The following CLDN10 variants were observed in gnomAD, a reference collection of about 807,000 sequenced individuals.
CLDN10 encodes claudin 10.
Under a neutral mutation model 22.9 loss-of-function variants are expected in CLDN10, and 15 were observed. That is an observed-to-expected ratio of 0.65 (90% confidence interval 0.44 to 1.01). CLDN10 has a LOEUF of 1.01. Among genes scored for constraint, CLDN10 ranks in the 50% least tolerant of loss-of-function variants. The pLI is 0.00. For synonymous variants in CLDN10, 114 were observed against 111.4 expected, an observed-to-expected ratio of 1.02 and a Z score of -0.15; for missense variants, 247 against 287.8, an observed-to-expected ratio of 0.86 and a Z score of 1.03.
At chr13:95,549,991 A>G (rs2043547092), upstream of CLDN10, among the ~76,000 whole-genome samples, 1 of 152,156 alleles carries the variant, frequency 6.6e-6, no homozygotes, top group Non-Finnish European at 1.5e-5. Context: ...CGTTATGCTA[A>G]ATTAACTGTT....
intron 1 of CLDN10, among the ~76,000 whole-genome samples, chr13:95,542,449 G>A (rs948358893): frequency 5.9e-5 from 9 of 152,148 alleles, no homozygotes; most frequent in Admixed American, 2.0e-4. Flanking sequence ...CCACAAGTAC[G>A]GTTCATCTTT....
At chr13:95,487,309 T>C (rs975961181) in intron 1 of CLDN10, among the ~76,000 whole-genome samples, 5 of 152,218 alleles carry the variant, frequency 3.3e-5, no homozygotes, top group Admixed American at 2.6e-4. Flanking sequence ...TTTACACTGA[T>C]ATAAAGTCAT....
intron 1 of CLDN10, among the ~76,000 whole-genome samples, chr13:95,535,738 T>G: frequency 6.6e-6 from 1 of 151,782 alleles, no homozygotes; most frequent in East Asian, 1.9e-4. Context: ...AGGGAAAGAC[T>G]GTGATGTGAA....
At chr13:95,525,741 C>T (rs1037600298) in intron 1 of CLDN10, among the ~76,000 whole-genome samples, 2 of 152,170 alleles carry the variant, frequency 1.3e-5, no homozygotes, top group African/African-American at 4.8e-5. Context: ...ATCCACCCAC[C>T]TCAGCCTCCC....
chr13:95,467,313 G>T (rs973626547), intron 1 of CLDN10, among the ~76,000 whole-genome samples: 10 of 152,010 alleles, frequency 6.6e-5, no homozygotes, highest in Admixed American at 5.9e-4. Flanking sequence ...GCATAGCCCT[G>T]TAAATGTCAT....
chr13:95,555,076 GT>G (rs2043618371), intron 1 of CLDN10, among the ~76,000 whole-genome samples: 2 of 121,532 alleles, frequency 1.6e-5, no homozygotes, highest in African/African-American at 5.9e-5. Flanking sequence ...TTGAGACGGA[GT>G]TTTGCTCTTG....
intron 1 of CLDN10, among the ~76,000 whole-genome samples, chr13:95,450,595 C>A (rs2042423837): frequency 1.3e-5 from 2 of 152,328 alleles, no homozygotes; most frequent in African/African-American, 2.4e-5. Flanking sequence ...TCCTGCTACT[C>A]CATTCAGCTG....
intron 1 of CLDN10, among the ~76,000 whole-genome samples, chr13:95,526,802 A>ATAAATAAT (rs1268312608): frequency 6.6e-6 from 1 of 151,744 alleles, no homozygotes; most frequent in Non-Finnish European, 1.5e-5. Flanking sequence ...AAATAAATAA[A>ATAAATAAT]TAAATAAATA....
chr13:95,511,420 A>G (rs540019232), intron 1 of CLDN10, among the ~76,000 whole-genome samples: 2 of 152,074 alleles, frequency 1.3e-5, no homozygotes, highest in South Asian at 2.1e-4. Flanking sequence ...TTTCAAACCT[A>G]TGTTTGTTTA....
intron 3 of CLDN10, among the ~76,000 whole-genome samples, chr13:95,575,667 C>T (rs751899291): frequency 1.3e-5 from 2 of 152,002 alleles, no homozygotes; most frequent in East Asian, 3.9e-4. Context: ...CTTAAGGGAA[C>T]CCGCTGAAGT....
intron 1 of CLDN10, among the ~76,000 whole-genome samples, chr13:95,516,261 A>G (rs920914100): frequency 1.3e-5 from 2 of 152,338 alleles, no homozygotes; most frequent in South Asian, 2.1e-4. Context: ...AAGTTTGTAC[A>G]GTATCATGAC....
At position 95,531,909 on chromosome 13, in the gene CLDN10, A is replaced by G. The variant is rs375077028; in HGVS notation, c.215-28223A>G. ...GTGTTTGATTTTCCACAAAGGCACC[A>G]AAACAGTCCAACAGGAATTTAAACA... On this transcript the variant is annotated intron_variant, in intron 1 of 4. Coordinates refer to the CLDN10 transcript ENST00000376873. Among the ~76,000 whole-genome samples, 6 of 152,138 alleles carry G rather than the reference A, an allele frequency of 3.9e-5. No homozygotes were observed. The East Asian group carries it at 1.2e-3, about 29-fold the overall frequency.
At chr13:95,455,219 T>C (rs940330910) in intron 1 of CLDN10, among the ~76,000 whole-genome samples, 2 of 152,194 alleles carry the variant, frequency 1.3e-5, no homozygotes, top group Non-Finnish European at 2.9e-5. Context: ...AAAACTATTT[T>C]AAAATTCTCT....
At chr13:95,494,148 C>T (rs190393979) in intron 1 of CLDN10, among the ~76,000 whole-genome samples, 34 of 152,218 alleles carry the variant, frequency 2.2e-4, no homozygotes, top group Admixed American at 1.0e-3. Context: ...TTTTGAATTG[C>T]CTCATAAAAG....
upstream of CLDN10, among the ~76,000 whole-genome samples, chr13:95,547,855 A>G (rs997799170): frequency 1.3e-5 from 2 of 152,212 alleles, no homozygotes; most frequent in Non-Finnish European, 2.9e-5. Flanking sequence ...ATACACATCT[A>G]TACAGACGCC....
At chr13:95,450,501 G>A (rs999510303) in intron 1 of CLDN10, among the ~76,000 whole-genome samples, 3 of 152,122 alleles carry the variant, frequency 2.0e-5, no homozygotes, top group South Asian at 2.1e-4. Context: ...TTCCCACAGC[G>A]CTGATCCCAG....
chr13:95,471,187 G>A (rs1278123537), intron 1 of CLDN10, among the ~76,000 whole-genome samples: 2 of 152,044 alleles, frequency 1.3e-5, no homozygotes, highest in African/African-American at 4.8e-5. Flanking sequence ...CAAAGGTCCA[G>A]AACAACGGGA....
Position 95,560,449 on chromosome 13 carries a change from CT to C in CLDN10, c.453del (p.Phe151LeufsTer8). 1.9e-6 allele frequency: 3 copies of C among 1,613,152 alleles called. No individual in the cohort carries two copies. The highest frequency in any genetic ancestry group is 1.7e-6 in the Non-Finnish European group (2 of 1,179,170). The stretch of plus-strand genomic sequence containing the variant: ...TCACAACGGAATTCTTTGATCCTCT[CT>C]TTGTTGAGCAAAAGTAAGTACTCTT... ...KITTEFFDPLFVEQKYELGAA... is the reference protein window; with the variant it reads ...KITTEFFDPLXVEQKYELGAA... On this transcript the variant is annotated frameshift_variant, in exon 3 of 5. Coordinates refer to ENST00000299339, the MANE Select transcript of CLDN10 (RefSeq NM_006984.5). LOFTEE classifies it high-confidence loss of function.
intron 1 of CLDN10, among the ~76,000 whole-genome samples, chr13:95,532,462 C>A (rs1205803443): frequency 6.6e-6 from 1 of 152,098 alleles, no homozygotes; most frequent in Non-Finnish European, 1.5e-5. Flanking sequence ...TGAATACCTA[C>A]AAGAATGGCT....
Sources: gnomAD v4.1 joint callset for allele counts (sites outside exome capture counted in the v4.1 genomes callset) on GRCh38, gnomAD v4.1.1 for gene constraint, MANE v1.5 for transcripts, NCBI Gene and HGNC (gene_info 2026-07-23, HGNC 2026-07-21) for gene names.